Variants in MCF2 observed in about 807,000 individuals in gnomAD.
The protein encoded by MCF2 is proto-oncogene DBL.
Under a neutral mutation model 82.5 loss-of-function variants are expected in MCF2, and 44 were observed. The ratio of observed to expected loss-of-function variants is 0.53; its 90% CI spans 0.42 to 0.69. The LOEUF (loss-of-function observed/expected upper bound fraction) is 0.69. Among genes scored for constraint, MCF2 ranks in the 30% least tolerant of loss-of-function variants. The pLI, the probability that MCF2 is intolerant of heterozygous loss-of-function variation, is 0.00. For missense variants in MCF2, 623 were observed against 663.1 expected (o/e 0.94, Z 0.66); for synonymous variants, 217 against 224.9 (o/e 0.96, Z 0.32).
At chrX:139,667,975 G>GT (rs1362252398) in intron 1 of MCF2, among the ~76,000 whole-genome samples, 2 of 112,090 alleles carry the variant, frequency 1.8e-5, no homozygotes, top group Non-Finnish European at 3.8e-5. Context: ...GAGCAACATA[G>GT]TGGTAGCCCA....
chrX:139,664,324 A>AAC (rs1259063731), intron 1 of MCF2, among the ~76,000 whole-genome samples: 1 of 110,959 alleles, frequency 9.0e-6, no homozygotes, highest in African/African-American at 3.4e-5. Flanking sequence ...AAAAAACAAA[A>AAC]AAAAAAAACC....
intron 1 of MCF2, among the ~76,000 whole-genome samples, chrX:139,690,167 T>C (rs1935223974): frequency 1.8e-5 from 2 of 109,362 alleles, no homozygotes; most frequent in Non-Finnish European, 3.8e-5. Flanking sequence ...CACATTGTAA[T>C]GCCACAGGAA....
chrX:139,647,765 C>T (rs1013684064), upstream of MCF2, among the ~76,000 whole-genome samples: 1 of 111,683 alleles, frequency 9.0e-6, no homozygotes, highest in Non-Finnish European at 1.9e-5. Context: ...GCCCAATAGC[C>T]CTCTATGCAG....
intron 1 of MCF2, among the ~76,000 whole-genome samples, chrX:139,653,885 ACAAGCAGT>A (rs1189947025): frequency 9.0e-5 from 10 of 110,917 alleles, no homozygotes; most frequent in Admixed American, 6.8e-4. Flanking sequence ...ATTAGTGAGA[ACAAGCAGT>A]ATTTGTGTTT....
intron 16 of MCF2, among the ~76,000 whole-genome samples, chrX:139,601,195 A>G (rs968210769): frequency 2.7e-5 from 3 of 111,516 alleles, no homozygotes; most frequent in Non-Finnish European, 5.7e-5. Flanking sequence ...CCAAAAAGAG[A>G]AAATGGAGAC....
At chrX:139,642,331 A>C in intron 1 of MCF2, 1 of 849,525 alleles carries the variant, frequency 1.2e-6, no homozygotes, top group East Asian at 3.1e-5. Context: ...AATGCAATCC[A>C]TGCAAATATA....
At chrX:139,589,414 G>T (rs994014950) in intron 20 of MCF2, among the ~76,000 whole-genome samples, 3 of 111,629 alleles carry the variant, frequency 2.7e-5, no homozygotes, top group Non-Finnish European at 5.6e-5. Context: ...TATACAACTG[G>T]CCAGGGCTTT....
chrX:139,601,411 T>C (rs3117078), intron 16 of MCF2, among the ~76,000 whole-genome samples: 3,426 of 111,828 alleles, frequency 0.031, 117 homozygotes, highest in African/African-American at 0.1. Flanking sequence ...GATTTCTGAA[T>C]AGCAACACTG....
intron 1 of MCF2, among the ~76,000 whole-genome samples, chrX:139,695,309 C>T (rs1215338410): frequency 8.9e-6 from 1 of 111,753 alleles, no homozygotes; most frequent in African/African-American, 3.2e-5. Flanking sequence ...AGATTACAGG[C>T]GTGAGCCATC....
chrX:139,632,395 T>C, exon 2 of MCF2: 5 of 1,203,730 alleles, frequency 4.2e-6, no homozygotes, highest in Non-Finnish European at 5.6e-6. Context: ...TGAACGTTCG[T>C]TGAAGAAAGC....
rs201977905 is a variant in MCF2 at position 139,664,325 on chromosome X, A to AAC, written c.-44-12538_-44-12537insGT. On this transcript the variant is annotated intron_variant, in intron 1 of 27. Coordinates refer to the MCF2 transcript ENST00000414978. ...AGCCTTTTTAAAACAAAAAACAAAA[A>AAC]AAAAAAACCATTTTTGATGTAAAAT... is the stretch of plus-strand genomic sequence containing the variant. 8.4e-3 allele frequency among the ~76,000 whole-genome samples: 937 copies of AAC among 111,974 alleles called. 8 individuals carry two copies. Among genetic ancestry groups the AAC allele is most frequent in the African/African-American group, 0.029 (892 of 30,660 alleles).
At chrX:139,671,656 C>A (rs779866058) in intron 1 of MCF2, among the ~76,000 whole-genome samples, 62 of 111,322 alleles carry the variant, frequency 5.6e-4, no homozygotes, top group Non-Finnish European at 8.5e-4. Flanking sequence ...GGCCTCTGTT[C>A]TGTTCCATTG....
At chrX:139,694,861 T>C (rs1935349770) in intron 1 of MCF2, among the ~76,000 whole-genome samples, 1 of 109,313 alleles carries the variant, frequency 9.1e-6, no homozygotes, top group Admixed American at 9.8e-5. Context: ...ATAAAATGGA[T>C]TGTTAAGCAT....
intron 1 of MCF2, among the ~76,000 whole-genome samples, chrX:139,673,082 G>T (rs1426827385): frequency 1.8e-5 from 2 of 111,916 alleles, no homozygotes; most frequent in African/African-American, 6.5e-5. Flanking sequence ...ATTTCTTCTA[G>T]ATTTTCTAGT....
intron 1 of MCF2, among the ~76,000 whole-genome samples, chrX:139,636,543 T>C (rs73243360): frequency 1.8e-5 from 2 of 110,501 alleles, no homozygotes; most frequent in Non-Finnish European, 3.8e-5. Context: ...ATCTCCAAAA[T>C]TATGTGTGAG....
chrX:139,643,253 A>G (rs183812571), upstream of MCF2, among the ~76,000 whole-genome samples: 223 of 111,967 alleles, frequency 2.0e-3, no homozygotes, highest in African/African-American at 6.9e-3. Context: ...TGAAATCTAC[A>G]AATAAAGGTA....
At chrX:139,589,713 A>G in intron 20 of MCF2, 122 bp downstream of exon 24, 1 of 498,872 alleles carries the variant, frequency 2.0e-6, no homozygotes, top group Non-Finnish European at 3.5e-6. Flanking sequence ...ATAATATTTA[A>G]CTGACCTACA....
At chrX:139,671,069 A>G (rs1245102476) in intron 1 of MCF2, among the ~76,000 whole-genome samples, 1 of 112,062 alleles carries the variant, frequency 8.9e-6, no homozygotes, top group Non-Finnish European at 1.9e-5. Context: ...GCCAGGGATG[A>G]TGAGCATTTT....
intron 5 of MCF2, 147 bp downstream of exon 8, chrX:139,626,476 T>C (rs1385153107): frequency 8.9e-6 from 6 of 671,173 alleles, no homozygotes; most frequent in South Asian, 8.5e-5. Flanking sequence ...ACAAGCAAAA[T>C]CATCTCTGTA....
Sources: allele counts gnomAD v4.1 joint callset (sites outside exome capture counted in the v4.1 genomes callset), GRCh38; gene constraint gnomAD v4.1.1; transcripts MANE v1.5; gene names NCBI Gene and HGNC (gene_info 2026-07-23, HGNC 2026-07-21).